The following ANP32E variants were observed in gnomAD, a reference collection of about 807,000 sequenced individuals.
The protein encoded by ANP32E is acidic leucine-rich nuclear phosphoprotein 32 family member E.
A neutral mutation model predicts 35.3 loss-of-function variants in ANP32E; 14 were observed. The observed-to-expected ratio is 0.40, with a 90% confidence interval of 0.26 to 0.62. The LOEUF is 0.62. Ranked by LOEUF, ANP32E falls within the 20% of genes least tolerant of loss-of-function variation. The pLI, the probability that ANP32E is intolerant of heterozygous loss-of-function variation, is 0.45. For missense variants in ANP32E, 198 were observed against 304.4 expected, an observed-to-expected ratio of 0.65 and a Z score of 2.60; for synonymous variants, 89 against 110.4, an observed-to-expected ratio of 0.81 and a Z score of 1.22.
intron 5 of ANP32E, 95 bp from the exon 6 acceptor site, chr1:150,223,335 G>A (rs782027277): frequency 6.9e-7 from 1 of 1,444,394 alleles, no homozygotes; most frequent in South Asian, 1.3e-5. Flanking sequence ...AGAAACTATG[G>A]TTATTCTGTG....
rs1251957833 is a variant in ANP32E, at chr1:150,236,014, GCGCGCGCACACACACGCACGCA to G, written c.-250_-229del. 7.0e-5 allele frequency: 39 copies of G among 556,602 alleles called. No homozygotes were observed. The highest frequency in any genetic ancestry group is 3.1e-4 in the East Asian group (10 of 32,490). The allele number at this position is 556,602 out of a possible 1,614,324, so 34.5% of individuals were successfully genotyped here. A position where few individuals can be genotyped will look rare whatever the true frequency, so the allele number is the denominator to read the frequency against. ...CCCCCACCTCCTTGTCCACACACTA[GCGCGCGCACACACACGCACGCA>G]CGCGCGCACACACATACACACACAC... On this transcript the variant is annotated 5_prime_UTR_variant, in exon 1 of 7. The change creates a premature stop within an existing upstream ORF in the 5' untranslated region. Coordinates refer to ENST00000583931, the MANE Select transcript of ANP32E (RefSeq NM_030920.5).
In ANP32E at chr1:150,235,815, C is replaced by T; in HGVS notation, c.-29G>A. 2 of 1,536,134 alleles carry T rather than the reference C, an allele frequency of 1.3e-6. No individual in the cohort carries two copies. The highest frequency in any genetic ancestry group is 1.8e-6 in the Non-Finnish European group (2 of 1,122,438). ...CTCCTCTTGCTCTTCAGCTACTACT[C>T]TCCTTTTCCCTTTCCTGCCTTCCCC... On this transcript the variant is annotated 5_prime_UTR_variant, in exon 1 of 7. Transcript: ENST00000583931. The surrounding 1 kb of genome is among the most constrained non-coding windows in gnomAD (Gnocchi z 4.2).
At chr1:150,226,846 C>A in intron 4 of ANP32E, 51 bp from the exon 5 acceptor site, 1 of 1,549,448 alleles carries the variant, frequency 6.5e-7, no homozygotes, top group African/African-American at 1.4e-5. Flanking sequence ...ATGTTTCTTC[C>A]TAGGATGTTG....
chr1:150,223,088 A>G (rs1348122557), intron 6 of ANP32E, 98 bp downstream of exon 6: 2 of 1,347,238 alleles, frequency 1.5e-6, no homozygotes, highest in Non-Finnish European at 2.0e-6. Flanking sequence ...TTGGCATTAT[A>G]GGCTCATTCT....
intron 6 of ANP32E, among the ~76,000 whole-genome samples, chr1:150,220,967 A>G (rs1463643759): frequency 6.6e-6 from 1 of 152,002 alleles, no homozygotes; most frequent in Non-Finnish European, 1.5e-5. Context: ...AAATACAAAA[A>G]ATTAGCCAGG....
rs1649730467 is a variant in ANP32E at position 150,235,755 on chromosome 1, A to G, written c.32T>C (p.Leu11Ser). 1 of 1,611,422 alleles carries G rather than the reference A, an allele frequency of 6.2e-7. No individual in the cohort carries two copies. The highest frequency in any genetic ancestry group is 1.3e-5 in the African/African-American group (1 of 74,782). The change falls in exon 1 of 7, where the codon TTA (leucine) becomes TCA (serine). Residue 11 changes from leucine to serine, a missense_variant. Leu to Ser is a moderately radical substitution (Grantham distance 145, BLOSUM62 -2). Transcript: ENST00000583931. The surrounding 1 kb of genome is among the most constrained non-coding windows in gnomAD (Gnocchi z 4.2). MEMKKKINLE[L>S]RNRSPEEVTE... ...CACCTCCTCCGGGGATCTGTTCCTT[A>G]ACTCCAGGTTAATCTTCTTCTTCAT...
chr1:150,226,874 C>T, intron 4 of ANP32E, 79 bp from the exon 5 acceptor site: 2 of 1,496,362 alleles, frequency 1.3e-6, no homozygotes, highest in East Asian at 4.7e-5. Flanking sequence ...TTACCCTTGC[C>T]CAATCACTTC....
intron 1 of ANP32E, among the ~76,000 whole-genome samples, chr1:150,232,476 T>TTC (rs1649436951): frequency 3.9e-4 from 2 of 5,188 alleles, no homozygotes; most frequent in Admixed American, 6.1e-3. Flanking sequence ...TCTTTTTTCT[T>TTC]TTTTTTTTTT....
intron 3 of ANP32E, among the ~76,000 whole-genome samples, chr1:150,229,786 G>A (rs1649207381): frequency 6.6e-6 from 1 of 151,868 alleles, no homozygotes; most frequent in African/African-American, 2.4e-5. Context: ...CCTAATTTTT[G>A]TATTTTTAGT....
At chr1:150,222,089 C>A (rs1648451124) in intron 6 of ANP32E, among the ~76,000 whole-genome samples, 1 of 137,030 alleles carries the variant, frequency 7.3e-6, no homozygotes, top group Non-Finnish European at 1.5e-5. Flanking sequence ...TGTCTCAAAA[C>A]AATAAAATGA....
intron 1 of ANP32E, among the ~76,000 whole-genome samples, chr1:150,233,585 G>T (rs1553842482): frequency 6.6e-6 from 1 of 152,096 alleles, no homozygotes; most frequent in African/African-American, 2.4e-5. Context: ...TATTAGGTAA[G>T]AGTTGTAGTA....
At chr1:150,220,888 A>G in intron 6 of ANP32E, 127 bp from the exon 7 acceptor site, 1 of 725,220 alleles carries the variant, frequency 1.4e-6, no homozygotes, top group Non-Finnish European at 2.4e-6. Flanking sequence ...TAATCCCAGC[A>G]CTTTGGGAGG....
At position 150,231,928 on chromosome 1, in the gene ANP32E, T is replaced by C. The variant is rs1553841849; in HGVS notation, c.55-2A>G. On this transcript the variant is annotated splice_acceptor_variant, in intron 1 of 6. Coordinates refer to ENST00000583931, the MANE Select transcript of ANP32E (RefSeq NM_030920.5). LOFTEE classifies it high-confidence loss of function. ...ATTATCAAGGACTAACTCTGTCACC[T>C]GTAAGAGGGAAAACATTAATTAATG... is the stretch of plus-strand genomic sequence containing the variant. 1 of 1,609,056 alleles carries C rather than the reference T, an allele frequency of 6.2e-7. No homozygotes were observed. The highest frequency in any genetic ancestry group is 8.5e-7 in the Non-Finnish European group (1 of 1,178,692).
intron 5 of ANP32E, 86 bp from the exon 6 acceptor site, chr1:150,223,326 G>T (rs1648586594): frequency 2.0e-6 from 3 of 1,467,506 alleles, no homozygotes; most frequent in South Asian, 1.2e-5. Flanking sequence ...CAAGAGCAAA[G>T]AAACTATGGT....
chr1:150,229,298 C>CTTTTTTTTTTTT (rs368884324), intron 3 of ANP32E, 61 bp from the exon 4 acceptor site: 16 of 431,548 alleles, frequency 3.7e-5, no homozygotes, highest in East Asian at 1.2e-4. Context: ...TTTCTTTTTT[C>CTTTTTTTTTTTT]TTTTTTTTTT....
chr1:150,223,822 C>T (rs1216886109), intron 5 of ANP32E, among the ~76,000 whole-genome samples: 1 of 151,098 alleles, frequency 6.6e-6, no homozygotes, highest in African/African-American at 2.4e-5. Context: ...CTCGGCTCAC[C>T]GCAAACTCCG....
chr1:150,226,154 G>A (rs1018318976), intron 5 of ANP32E, among the ~76,000 whole-genome samples: 4 of 151,982 alleles, frequency 2.6e-5, no homozygotes, highest in African/African-American at 9.7e-5. Flanking sequence ...ACAGGTGTGT[G>A]CCATCATGCC....
At chr1:150,226,582 A>G (rs1553840057) in intron 5 of ANP32E, 26 bp downstream of exon 5, 4 of 1,605,130 alleles carry the variant, frequency 2.5e-6, no homozygotes, top group Non-Finnish European at 3.4e-6. Context: ...ATTAATTTTC[A>G]GTGCAGGTAA....
At chr1:150,228,913 A>G (rs1408968863) in intron 4 of ANP32E, among the ~76,000 whole-genome samples, 159 bp downstream of exon 4, 1 of 152,188 alleles carries the variant, frequency 6.6e-6, no homozygotes, top group Non-Finnish European at 1.5e-5. Context: ...GAAAGAAGAA[A>G]TACTGGCTAG....
Sources: gnomAD v4.1 joint callset for allele counts (sites outside exome capture counted in the v4.1 genomes callset) on GRCh38, gnomAD v4.1.1 for gene constraint, Gnocchi (gnomAD v3.1) non-coding constraint, MANE v1.5 for transcripts, NCBI Gene and HGNC (gene_info 2026-07-23, HGNC 2026-07-21) for gene names.